CREB1: variants seen among roughly 807,000 people sequenced by gnomAD.
CREB1 encodes cAMP responsive element binding protein 1.
Under a neutral mutation model 42.0 loss-of-function variants are expected in CREB1, and 2 were observed. That is an observed-to-expected ratio of 0.05 (90% CI 0.02 to 0.15). The LOEUF is 0.15. Among genes scored for constraint, CREB1 ranks in the 10% least tolerant of loss-of-function variants. The pLI is 1.00. For synonymous variants in CREB1, 123 were observed against 139.9 expected (o/e 0.88, Z 0.85); for missense variants, 199 against 388.9 (o/e 0.51, Z 4.11).
intron 7 of CREB1, among the ~76,000 whole-genome samples, chr2:207,592,860 T>C (rs2085328469): frequency 6.9e-6 from 1 of 145,042 alleles, no homozygotes; most frequent in Non-Finnish European, 1.5e-5. Context: ...TTGCAGTGAG[T>C]CCAGATTGCA....
rs1559097541 is a variant in CREB1 at position 207,602,883 on chromosome 2, A to G, written c.*5825A>G. The G allele has an allele frequency of 9.2e-6, 2 of 217,828 alleles. No individual in the cohort carries two copies. The highest frequency in any genetic ancestry group is 1.4e-4 in the East Asian group (2 of 14,712). The allele number at this position is 217,828 out of a possible 1,614,324, so 13.5% of individuals were successfully genotyped here. Reference sequence around the variant, plus strand: ...ACTGATTTGTCCACATGTCAGTTGTAACTCCCCCACTCCCTGCAAAAGGAA... The same window carrying G: ...ACTGATTTGTCCACATGTCAGTTGTGACTCCCCCACTCCCTGCAAAAGGAA... On this transcript the variant is annotated 3_prime_UTR_variant, in exon 8 of 8. Coordinates refer to ENST00000353267, the MANE Select transcript of CREB1 (RefSeq NM_004379.5).
At chr2:207,593,779 C>T (rs989098378) in intron 7 of CREB1, among the ~76,000 whole-genome samples, 12 of 145,772 alleles carry the variant, frequency 8.2e-5, no homozygotes, top group Admixed American at 7.7e-4. Flanking sequence ...AGTGCAGTGG[C>T]GCTATCTTGG....
chr2:207,581,760 T>C (rs1219353714), intron 7 of CREB1: 1 of 677,794 alleles, frequency 1.5e-6, no homozygotes, highest in Non-Finnish European at 2.7e-6. Flanking sequence ...ATTAACTGAA[T>C]TATACATTTT....
At chr2:207,538,553 T>A (rs1559263046) in intron 1 of CREB1, among the ~76,000 whole-genome samples, 1 of 152,206 alleles carries the variant, frequency 6.6e-6, no homozygotes, top group Non-Finnish European at 1.5e-5. Flanking sequence ...CTTGGATGAT[T>A]CTAGGATCTC....
intron 3 of CREB1, among the ~76,000 whole-genome samples, chr2:207,563,718 C>T (rs1018532115): frequency 2.6e-5 from 4 of 152,046 alleles, no homozygotes; most frequent in South Asian, 4.2e-4. Context: ...CTGAGGCGGG[C>T]GGATCACTTG....
intron 3 of CREB1, among the ~76,000 whole-genome samples, chr2:207,566,493 A>C (rs971237569): frequency 6.6e-6 from 1 of 152,156 alleles, no homozygotes; most frequent in African/African-American, 2.4e-5. Flanking sequence ...GAACTCTTCT[A>C]GTCTAGAAAA....
At chr2:207,575,525 A>C in intron 6 of CREB1, 71 bp downstream of exon 6, 3 of 1,352,566 alleles carry the variant, frequency 2.2e-6, no homozygotes, top group Non-Finnish European at 3.1e-6. Flanking sequence ...CTCACAGAAA[A>C]AGTAAGTATC....
At chr2:207,592,562 C>T (rs1181697725) in intron 7 of CREB1, among the ~76,000 whole-genome samples, 1 of 152,140 alleles carries the variant, frequency 6.6e-6, no homozygotes, top group Non-Finnish European at 1.5e-5. Context: ...CCTCCTTCCT[C>T]CCCCATCCCC....
At chr2:207,593,459 G>A (rs1186019320) in intron 7 of CREB1, among the ~76,000 whole-genome samples, 1 of 152,152 alleles carries the variant, frequency 6.6e-6, no homozygotes, top group Non-Finnish European at 1.5e-5. Context: ...GAGCCTGGGA[G>A]GTCAAGGCTG....
intron 1 of CREB1, among the ~76,000 whole-genome samples, chr2:207,555,037 A>G (rs1004079019): frequency 6.6e-6 from 1 of 152,174 alleles, no homozygotes; most frequent in Admixed American, 6.5e-5. Flanking sequence ...AGAACATGCT[A>G]CTGCACTCCA....
intron 1 of CREB1, among the ~76,000 whole-genome samples, chr2:207,533,086 CT>C (rs34172985): frequency 2.2e-3 from 323 of 145,304 alleles, no homozygotes; most frequent in Middle Eastern, 3.5e-3. Context: ...CTGCTTGAAT[CT>C]TTTTTTTTTT....
At chr2:207,557,123 A>G (rs2081758970) in intron 2 of CREB1, among the ~76,000 whole-genome samples, 1 of 151,238 alleles carries the variant, frequency 6.6e-6, no homozygotes, top group African/African-American at 2.4e-5. Context: ...GGGTGACAGA[A>G]CAAGATTCCC....
intron 7 of CREB1, among the ~76,000 whole-genome samples, chr2:207,592,900 A>G (rs1270510395): frequency 6.6e-6 from 1 of 152,016 alleles, no homozygotes; most frequent in African/African-American, 2.4e-5. Flanking sequence ...CGACAGAGCA[A>G]GACTCCATCT....
At chr2:207,566,309 A>C (rs1244260560) in intron 3 of CREB1, among the ~76,000 whole-genome samples, 2 of 152,176 alleles carry the variant, frequency 1.3e-5, no homozygotes, top group Non-Finnish European at 2.9e-5. Context: ...TCTTACTGCC[A>C]TTGCCATACG....
chr2:207,570,206 T>C lies in CREB1; in HGVS notation c.390T>C (p.Asp130=), dbSNP rs1444468851. 1.2e-6 allele frequency: 2 copies of C among 1,609,872 alleles called. No individual in the cohort carries two copies. The highest frequency in any genetic ancestry group is 4.5e-5 in the East Asian group (2 of 44,844). Residue 130 remains aspartate, a synonymous_variant, in exon 5 of 8, where the codon GAT becomes GAC. Transcript: ENST00000353267. ...YRKILNDLSS[D]APGVPRIEEE... ...AAATTTTGAATGACTTATCTTCTGA[T>C]GCACCAGGAGTGCCAAGGATTGAAG... is the stretch of plus-strand genomic sequence containing the variant.
At position 207,596,896 on chromosome 2, in the gene CREB1, G is replaced by T. The variant is rs572628198; in HGVS notation, c.840-18G>T. ...GGAAATCATTTGCATAATTTTTCCC[G>T]TCCTCTTTTGCTTGTAGGGAAGCAG... On this transcript the variant is annotated intron_variant, in intron 7 of 7. Transcript: ENST00000353267. 6.3e-7 allele frequency: 1 copy of T among 1,589,774 alleles called. No individual in the cohort carries two copies. Among genetic ancestry groups the T allele is most frequent in the East Asian group, 2.3e-5 (1 of 44,424 alleles).
intron 7 of CREB1, among the ~76,000 whole-genome samples, chr2:207,583,274 ACAACTATATAC>A (rs2083265323): frequency 2.0e-5 from 3 of 152,150 alleles, no homozygotes; most frequent in African/African-American, 4.8e-5. Context: ...ATACTGAGGG[ACAACTATATAC>A]TTAAATAGGA....
intron 1 of CREB1, among the ~76,000 whole-genome samples, chr2:207,532,003 C>T (rs1340694799): frequency 1.3e-5 from 2 of 152,154 alleles, no homozygotes; most frequent in African/African-American, 4.8e-5. Flanking sequence ...TGGTAGCTTA[C>T]CATTTTTCCT....
At chr2:207,560,423 C>A in intron 3 of CREB1, 51 bp downstream of exon 3, 1 of 1,546,250 alleles carries the variant, frequency 6.5e-7, no homozygotes, top group Non-Finnish European at 8.9e-7. Flanking sequence ...TGTTTATAGC[C>A]ATATCTCTCT....
Sources: gnomAD v4.1 joint callset for allele counts (sites outside exome capture counted in the v4.1 genomes callset) on GRCh38, gnomAD v4.1.1 for gene constraint, MANE v1.5 for transcripts, NCBI Gene and HGNC (gene_info 2026-07-23, HGNC 2026-07-21) for gene names.